GFOD1: variants seen among roughly 807,000 people sequenced by gnomAD.
GFOD1 encodes glucose-fructose oxidoreductase domain-containing protein 1.
A neutral mutation model predicts 25.4 loss-of-function variants in GFOD1; 9 were observed. The ratio of observed to expected loss-of-function variants is 0.35; its 90% CI spans 0.21 to 0.62. The LOEUF (loss-of-function observed/expected upper bound fraction) is 0.62. Ranked by LOEUF, GFOD1 falls within the 20% of genes least tolerant of loss-of-function variation. The probability of loss-of-function intolerance (pLI) is 0.72; values close to 1 mark genes in which losing one functional copy is unlikely to be tolerated. For synonymous variants in GFOD1, 253 were observed against 245.6 expected (o/e 1.03, Z -0.28); for missense variants, 403 against 556.9 (o/e 0.72, Z 2.78).
At chr6:13,443,897 C>T (rs1364089932) in intron 1 of GFOD1, among the ~76,000 whole-genome samples, 1 of 150,810 alleles carries the variant, frequency 6.6e-6, no homozygotes, top group Non-Finnish European at 1.5e-5. Flanking sequence ...CAGCCATCAA[C>T]ATCAAGGCAG....
chr6:13,373,741 A>ACACACACACAC (rs1554199339), intron 1 of GFOD1, among the ~76,000 whole-genome samples: 1 of 129,594 alleles, frequency 7.7e-6, no homozygotes, highest in African/African-American at 3.0e-5. Context: ...CTGCTCCCCC[A>ACACACACACAC]ACACACACAC....
intron 1 of GFOD1, among the ~76,000 whole-genome samples, chr6:13,384,174 C>T (rs1004309617): frequency 2.6e-5 from 4 of 152,206 alleles, no homozygotes; most frequent in African/African-American, 9.6e-5. Context: ...TGCAGTGAGC[C>T]GAGATCACGC....
At position 13,486,700 on chromosome 6, in the gene GFOD1, A is replaced by G; in HGVS notation, c.191T>C (p.Val64Ala). 1 of 1,614,090 alleles carries G rather than the reference A, an allele frequency of 6.2e-7. No individual in the cohort carries two copies. Among genetic ancestry groups the G allele is most frequent in the Non-Finnish European group, 8.5e-7 (1 of 1,179,998 alleles). ...CGGCAGGTTAATGCACACCAAGTCCACGTCCTGATGCAGCAGCACCTCATC... is the reference window on the plus strand; with the variant it reads ...CGGCAGGTTAATGCACACCAAGTCCGCGTCCTGATGCAGCAGCACCTCATC... ...RIDEVLLHQD[V>A]DLVCINLPPP... The change falls in exon 1 of 2, where the codon GTG becomes GCG. Residue 64 changes from valine (V) to alanine (A), a missense_variant. By Grantham distance (64) the Val-to-Ala change is moderately conservative. Coordinates refer to ENST00000379287, the MANE Select transcript of GFOD1 (RefSeq NM_018988.4).
At chr6:13,480,996 G>T (rs1223718965) in intron 1 of GFOD1, among the ~76,000 whole-genome samples, 1 of 152,184 alleles carries the variant, frequency 6.6e-6, no homozygotes, top group African/African-American at 2.4e-5. Context: ...TGTCTACTAG[G>T]TGACTAAGTG....
chr6:13,457,496 C>G (rs1318720800), intron 1 of GFOD1, among the ~76,000 whole-genome samples: 1 of 152,174 alleles, frequency 6.6e-6, no homozygotes, highest in East Asian at 1.9e-4. Flanking sequence ...CTCAGATACA[C>G]TTTGAGAGAC....
intron 1 of GFOD1, among the ~76,000 whole-genome samples, chr6:13,465,849 A>G (rs1758371346): frequency 6.6e-6 from 1 of 152,230 alleles, no homozygotes; most frequent in East Asian, 1.9e-4. Context: ...ATCCATGTGC[A>G]CTATCAGCAC....
At chr6:13,404,033 G>A (rs1057219415) in intron 1 of GFOD1, among the ~76,000 whole-genome samples, 2 of 152,118 alleles carry the variant, frequency 1.3e-5, no homozygotes, top group African/African-American at 4.8e-5. Flanking sequence ...CAAAATGTTT[G>A]AATGTTTATA....
intron 1 of GFOD1, among the ~76,000 whole-genome samples, chr6:13,394,985 G>GT (rs947772227): frequency 6.6e-6 from 1 of 152,030 alleles, no homozygotes; most frequent in Non-Finnish European, 1.5e-5. Context: ...GTCTCACTGT[G>GT]TTTCCCTGGC....
chr6:13,368,163 G>T (rs911143350), intron 1 of GFOD1, among the ~76,000 whole-genome samples: 9 of 152,248 alleles, frequency 5.9e-5, no homozygotes, highest in Non-Finnish European at 1.0e-4. Context: ...GGTCGGTACA[G>T]ATTGGAGAAA....
intron 1 of GFOD1, among the ~76,000 whole-genome samples, chr6:13,474,150 C>T (rs529588504): frequency 1.6e-4 from 25 of 152,226 alleles, no homozygotes; most frequent in African/African-American, 4.6e-4. Flanking sequence ...GAGGCCAAGG[C>T]GGGTGGATCG....
chr6:13,370,436 C>T (rs1371578815), intron 1 of GFOD1, among the ~76,000 whole-genome samples: 2 of 152,146 alleles, frequency 1.3e-5, no homozygotes, highest in Non-Finnish European at 2.9e-5. Flanking sequence ...ATAATCCTTC[C>T]AGTTCCAAAA....
At chr6:13,455,029 C>T (rs574124701) in intron 1 of GFOD1, among the ~76,000 whole-genome samples, 3 of 152,258 alleles carry the variant, frequency 2.0e-5, no homozygotes, top group South Asian at 2.1e-4. Flanking sequence ...CAGTTGCTTC[C>T]GCTAGAGTTT....
chr6:13,471,784 T>C (rs1178095981), intron 1 of GFOD1, among the ~76,000 whole-genome samples: 1 of 152,194 alleles, frequency 6.6e-6, no homozygotes, highest in Non-Finnish European at 1.5e-5. Flanking sequence ...ATTAATGCTG[T>C]CCAGTAGAAC....
chr6:13,393,292 G>A lies in GFOD1; in HGVS notation c.254-27630C>T, dbSNP rs150438333. 1.1e-3 allele frequency among the ~76,000 whole-genome samples: 168 copies of A among 146,120 alleles called. No individual in the cohort carries two copies. The East Asian group carries it at 0.032, about 28-fold the overall frequency. ...AATCACTTGAACCCGAGAGGCAGAG[G>A]TTGCAGTGGGTGGAGATCATGCCAC... is the stretch of plus-strand genomic sequence containing the variant. On this transcript the variant is annotated intron_variant, in intron 1 of 1. Coordinates refer to ENST00000379287, the MANE Select transcript of GFOD1 (RefSeq NM_018988.4).
At chr6:13,469,800 C>T (rs1758449961) in intron 1 of GFOD1, 1 of 1,120,424 alleles carries the variant, frequency 8.9e-7, no homozygotes, top group Non-Finnish European at 1.2e-6. Context: ...AAATTTCTCA[C>T]TTGTAAGATG....
At chr6:13,468,321 A>G (rs775500944) in intron 1 of GFOD1, among the ~76,000 whole-genome samples, 1 of 152,180 alleles carries the variant, frequency 6.6e-6, no homozygotes, top group African/African-American at 2.4e-5. Flanking sequence ...CTTCCTACAC[A>G]TAATTCTAAT....
chr6:13,410,043 C>T (rs1176152109), intron 1 of GFOD1, among the ~76,000 whole-genome samples: 14 of 131,252 alleles, frequency 1.1e-4, no homozygotes, highest in African/African-American at 4.0e-4. Flanking sequence ...CAGGGTAAAC[C>T]TCTAAGGCCA....
At chr6:13,384,098 G>A (rs1044271983) in intron 1 of GFOD1, among the ~76,000 whole-genome samples, 6 of 152,158 alleles carry the variant, frequency 3.9e-5, no homozygotes, top group Non-Finnish European at 7.3e-5. Flanking sequence ...ATGGTGGCAT[G>A]CGCCTATAAG....
intron 1 of GFOD1, among the ~76,000 whole-genome samples, chr6:13,385,064 T>G (rs933265621): frequency 7.9e-5 from 12 of 152,138 alleles, no homozygotes; most frequent in African/African-American, 2.7e-4. Flanking sequence ...CCCTGGGGTA[T>G]CTCCCAGCTG....
Sources: gnomAD v4.1 joint callset for allele counts (sites outside exome capture counted in the v4.1 genomes callset) on GRCh38, gnomAD v4.1.1 for gene constraint, MANE v1.5 for transcripts, NCBI Gene and HGNC (gene_info 2026-07-23, HGNC 2026-07-21) for gene names.